SOCS5: variants seen among roughly 807,000 people sequenced by gnomAD.
The protein encoded by SOCS5 is suppressor of cytokine signaling 5.
SOCS5 carries 32 observed loss-of-function variants against 42.8 expected under a neutral mutation model. That is an observed-to-expected ratio of 0.75 (90% CI 0.56 to 1.01). The LOEUF (loss-of-function observed/expected upper bound fraction) is 1.01. Ranked by LOEUF, SOCS5 falls within the 50% of genes least tolerant of loss-of-function variation. The probability of loss-of-function intolerance (pLI) is 0.00; values close to 1 mark genes in which losing one functional copy is unlikely to be tolerated. For missense variants in SOCS5, 627 were observed against 653.0 expected, an observed-to-expected ratio of 0.96 and a Z score of 0.43; for synonymous variants, 283 against 229.6, an observed-to-expected ratio of 1.23 and a Z score of -2.10.
intron 1 of SOCS5, among the ~76,000 whole-genome samples, chr2:46,744,528 CT>C (rs796126248): frequency 1.4e-3 from 202 of 144,804 alleles, no homozygotes; most frequent in South Asian, 4.8e-3. Flanking sequence ...ATAATAAAGA[CT>C]TTTTTTTTTT....
chr2:46,720,149 C>G (rs2103710974), intron 1 of SOCS5, among the ~76,000 whole-genome samples: 2 of 152,246 alleles, frequency 1.3e-5, no homozygotes, highest in East Asian at 3.9e-4. Flanking sequence ...ACTTGTACCT[C>G]ATAGGATTAT....
At chr2:46,730,477 G>T (rs1008978711) in intron 1 of SOCS5, among the ~76,000 whole-genome samples, 3 of 152,130 alleles carry the variant, frequency 2.0e-5, no homozygotes, top group Non-Finnish European at 4.4e-5. Flanking sequence ...GTGGGCGCCT[G>T]TAATCCCAGC....
chr2:46,722,577 C>T (rs1048924492), intron 1 of SOCS5, among the ~76,000 whole-genome samples: 2 of 152,134 alleles, frequency 1.3e-5, no homozygotes, highest in East Asian at 1.9e-4. Context: ...TATCCATTCA[C>T]CTGTTGAAGG....
chr2:46,729,441 G>A lies in SOCS5; in HGVS notation c.-12-29078G>A, dbSNP rs149961102. 6.6e-3 allele frequency among the ~76,000 whole-genome samples: 1,006 copies of A among 152,192 alleles called. 8 individuals carry two copies. Among genetic ancestry groups the A allele is most frequent in the Non-Finnish European group, 9.5e-3 (648 of 68,004 alleles). ...CTCACACAAACCTAGATGGTATAGCGTACTATACACCTAGGCCGTATAGCG... is the reference window on the plus strand; with the variant it reads ...CTCACACAAACCTAGATGGTATAGCATACTATACACCTAGGCCGTATAGCG... On this transcript the variant is annotated intron_variant, in intron 1 of 1. Transcript: ENST00000394861.
chr2:46,734,961 C>T (rs1013347346), intron 1 of SOCS5, among the ~76,000 whole-genome samples: 1 of 152,174 alleles, frequency 6.6e-6, no homozygotes, highest in Non-Finnish European at 1.5e-5. Flanking sequence ...AGGCCCTTTC[C>T]GGAGTCCATG....
intron 1 of SOCS5, among the ~76,000 whole-genome samples, chr2:46,729,093 G>C (rs1376100451): frequency 6.6e-6 from 1 of 152,152 alleles, no homozygotes; most frequent in Non-Finnish European, 1.5e-5. Flanking sequence ...CCATTTATCT[G>C]TGCTGTATAA....
At chr2:46,721,087 G>A (rs1318293378) in intron 1 of SOCS5, among the ~76,000 whole-genome samples, 2 of 152,112 alleles carry the variant, frequency 1.3e-5, no homozygotes, top group African/African-American at 4.8e-5. Flanking sequence ...CAGCAGTTGA[G>A]ACTTATCTAA....
In SOCS5 at chr2:46,716,934, C is replaced by T. The variant is rs1316191349; in HGVS notation, c.-13+17485C>T. On this transcript the variant is annotated intron_variant, in intron 1 of 1. Transcript: ENST00000394861. Reference sequence around the variant, plus strand: ...ACTTTTTTGTGTCTCCTTTAATTTCCCCATGTATTCATCAAGGTTTATTCA... The same window carrying T: ...ACTTTTTTGTGTCTCCTTTAATTTCTCCATGTATTCATCAAGGTTTATTCA... Among the ~76,000 whole-genome samples, 3 of 152,066 alleles carry T rather than the reference C, an allele frequency of 2.0e-5. No individual in the cohort carries two copies. In the East Asian group the frequency reaches 5.8e-4, roughly 29 times the overall value.
chr2:46,760,306 G>T lies in SOCS5; in HGVS notation c.*165G>T. 1.6e-6 allele frequency: 1 copy of T among 607,660 alleles called. No individual in the cohort carries two copies. The highest frequency in any genetic ancestry group is 3.0e-6 in the Non-Finnish European group (1 of 337,124). 37.6% of individuals were successfully genotyped at this position (607,660 alleles called of 1,614,324 possible). ...TGCTGTTACTTATTCAGATAAACAT[G>T]GTGCCTATTGGAACAATAGCGGATA... On this transcript the variant is annotated 3_prime_UTR_variant, in exon 2 of 2. Coordinates refer to ENST00000394861, the MANE Select transcript of SOCS5 (RefSeq NM_144949.3).
chr2:46,759,627 T>C lies in SOCS5; in HGVS notation c.1097T>C (p.Ile366Thr). 1.9e-6 allele frequency: 3 copies of C among 1,614,024 alleles called. No individual in the cohort carries two copies. The highest frequency in any genetic ancestry group is 1.7e-6 in the Non-Finnish European group (2 of 1,179,898). Residue 366 changes from isoleucine (I) to threonine (T), a missense_variant, in exon 2 of 2, where the codon ATA becomes ACA. By Grantham distance (89) the Ile-to-Thr change is moderately conservative. This residue lies in a region of SOCS5 where 340 missense variants were observed against 367.6 expected (regional missense o/e 0.92). Transcript: ENST00000394861. ...AAAGTCCACACACAGATTGATTACATACACTGCCTCGTGCCTGATTTGCTT... is the reference window on the plus strand; with the variant it reads ...AAAGTCCACACACAGATTGATTACACACACTGCCTCGTGCCTGATTTGCTT... ...AWKVHTQIDY[I>T]HCLVPDLLQI... is the part of the protein sequence containing the mutation.
chr2:46,725,160 T>C (rs1672964111), intron 1 of SOCS5, among the ~76,000 whole-genome samples: 1 of 152,072 alleles, frequency 6.6e-6, no homozygotes, highest in Non-Finnish European at 1.5e-5. Context: ...ATGTACCTAT[T>C]TGATAATGAT....
intron 1 of SOCS5, among the ~76,000 whole-genome samples, chr2:46,714,432 C>G (rs1672694987): frequency 1.3e-5 from 2 of 152,334 alleles, no homozygotes; most frequent in South Asian, 4.1e-4. Context: ...GTTCTGAAGT[C>G]TCTGTCTGAT....
chr2:46,755,745 G>T (rs1390064649), intron 1 of SOCS5, among the ~76,000 whole-genome samples: 1 of 151,980 alleles, frequency 6.6e-6, no homozygotes, highest in Non-Finnish European at 1.5e-5. Context: ...AGATCTCAAA[G>T]GGTTTCAGCT....
chr2:46,709,687 G>A (rs1297073729), intron 1 of SOCS5, among the ~76,000 whole-genome samples: 1 of 152,146 alleles, frequency 6.6e-6, no homozygotes, highest in East Asian at 1.9e-4. Context: ...AGAAATTTGG[G>A]TAGTTAGATG....
chr2:46,698,964 G>C (rs565441775), upstream of SOCS5: 8 of 152,396 alleles, frequency 5.2e-5, no homozygotes, highest in African/African-American at 1.2e-4. Flanking sequence ...CAGCCGCGCA[G>C]AGCGCGCACC....
At chr2:46,748,612 G>GT (rs898619433) in intron 1 of SOCS5, among the ~76,000 whole-genome samples, 94 of 151,886 alleles carry the variant, frequency 6.2e-4, no homozygotes, top group African/African-American at 2.0e-3. Flanking sequence ...TTTTCCATTA[G>GT]TTTTTTTTAG....
At chr2:46,737,010 C>T (rs1015422922) in intron 1 of SOCS5, among the ~76,000 whole-genome samples, 1 of 152,142 alleles carries the variant, frequency 6.6e-6, no homozygotes, top group Non-Finnish European at 1.5e-5. Flanking sequence ...GATGCTCAAC[C>T]TGTACTCACA....
intron 1 of SOCS5, among the ~76,000 whole-genome samples, chr2:46,743,711 CAT>C (rs1558409923): frequency 1.3e-5 from 2 of 152,152 alleles, no homozygotes; most frequent in African/African-American, 4.8e-5. Context: ...CTCTGGCAAA[CAT>C]ATGTATACTT....
intron 1 of SOCS5, among the ~76,000 whole-genome samples, chr2:46,755,860 C>T (rs574697581): frequency 2.0e-5 from 3 of 152,140 alleles, no homozygotes; most frequent in South Asian, 4.1e-4. Context: ...ATTGTTATGT[C>T]GACTAGTCTG....
Sources: allele counts gnomAD v4.1 joint callset (sites outside exome capture counted in the v4.1 genomes callset), GRCh38; gene constraint gnomAD v4.1.1; regional missense constraint gnomAD v4.1.1; transcripts MANE v1.5; gene names NCBI Gene and HGNC (gene_info 2026-07-23, HGNC 2026-07-21).